Variants in PCDH15 observed in about 807,000 individuals in gnomAD.
PCDH15 encodes protocadherin related 15, also known as protocadherin-15.
Under a neutral mutation model 178.5 loss-of-function variants are expected in PCDH15, and 129 were observed. That is an observed-to-expected ratio of 0.72 (90% confidence interval 0.63 to 0.84). The LOEUF is 0.84. PCDH15 is among the 40% of genes least tolerant of loss of function. PCDH15 has a pLI of 0.00. For missense variants in PCDH15, 2,230 were observed against 2,099.9 expected, an observed-to-expected ratio of 1.06 and a Z score of -1.21; for synonymous variants, 800 against 732.0, an observed-to-expected ratio of 1.09 and a Z score of -1.50.
chr10:54,462,460 T>G (rs2077224706), intron 3 of PCDH15, among the ~76,000 whole-genome samples: 1 of 150,900 alleles, frequency 6.6e-6, no homozygotes, highest in South Asian at 2.1e-4. Context: ...AGCTCCTATT[T>G]GTTAATCCTT....
In PCDH15 at chr10:54,823,078, C is replaced by T. The variant is rs141961277; in HGVS notation, c.-29+74372G>A. ...TGAATTTTTACTAGAGACGGGGTTT[C>T]ACCATGTTGGCCAGGTTGGTCTCAA... On this transcript the variant is annotated intron_variant, in intron 3 of 5. Coordinates refer to the PCDH15 transcript ENST00000458638. Among the ~76,000 whole-genome samples the T allele has an allele frequency of 3.2e-3, 489 of 151,994 alleles. 1 individual carries two copies. The highest frequency in any genetic ancestry group is 0.011 in the African/African-American group (460 of 41,470).
chr10:54,953,180 A>C (rs1444091886), intron 2 of PCDH15, among the ~76,000 whole-genome samples: 1 of 151,260 alleles, frequency 6.6e-6, no homozygotes, highest in Admixed American at 6.6e-5. Context: ...TAAGTTGAAG[A>C]ATTCCTCTTT....
At chr10:54,714,222 C>A (rs1006765849) in intron 1 of PCDH15, among the ~76,000 whole-genome samples, 6 of 152,134 alleles carry the variant, frequency 3.9e-5, no homozygotes, top group African/African-American at 1.2e-4. Context: ...TGTCAGATAT[C>A]CTGTGAAGTG....
intron 2 of PCDH15, among the ~76,000 whole-genome samples, chr10:55,075,599 G>A (rs950099082): frequency 6.6e-6 from 1 of 151,902 alleles, no homozygotes; most frequent in Non-Finnish European, 1.5e-5. Flanking sequence ...TCCTGACCTC[G>A]TGATCTAGCC....
intron 3 of PCDH15, among the ~76,000 whole-genome samples, chr10:54,864,331 A>T (rs889470236): frequency 6.6e-6 from 1 of 152,094 alleles, no homozygotes; most frequent in African/African-American, 2.4e-5. Flanking sequence ...AAATTGGTTG[A>T]CCTCTTTTTT....
chr10:54,014,783 T>C (rs963046125), intron 20 of PCDH15, among the ~76,000 whole-genome samples: 1 of 152,076 alleles, frequency 6.6e-6, no homozygotes, highest in Admixed American at 6.6e-5. Flanking sequence ...AAGCCATCTA[T>C]GACAAATGCA....
Position 54,853,293 on chromosome 10 carries a change from A to G in PCDH15, c.-29+44157T>C, listed in dbSNP as rs867521919. Among the ~76,000 whole-genome samples, 593 of 94,412 alleles carry G rather than the reference A, an allele frequency of 6.3e-3. 4 individuals carry two copies. The highest frequency in any genetic ancestry group is 0.017 in the African/African-American group (350 of 20,774). 61.9% of individuals were successfully genotyped at this position (94,412 alleles called of 152,430 possible). ...TATATATGTGTATGTATGTGTGTAT[A>G]TATATATATATATATATATATATAT... On this transcript the variant is annotated intron_variant, in intron 3 of 5. Coordinates refer to the PCDH15 transcript ENST00000458638.
At chr10:54,246,875 T>C (rs968749590) in intron 8 of PCDH15, among the ~76,000 whole-genome samples, 6 of 151,954 alleles carry the variant, frequency 3.9e-5, no homozygotes, top group Non-Finnish European at 8.8e-5. Context: ...TATTATCTTA[T>C]AGTTGCTTTA....
chr10:55,385,785 ATAT>A (rs1837645256), intron 2 of PCDH15, among the ~76,000 whole-genome samples: 1 of 145,150 alleles, frequency 6.9e-6, no homozygotes, highest in African/African-American at 2.7e-5. Flanking sequence ...ATAGATATGC[ATAT>A]CTCTGTATAT....
At chr10:55,601,365 A>T (rs910900456) in intron 2 of PCDH15, among the ~76,000 whole-genome samples, 3 of 152,188 alleles carry the variant, frequency 2.0e-5, no homozygotes, top group Admixed American at 6.5e-5. Context: ...TGTGATAAAA[A>T]CGAGGTAATC....
intron 3 of PCDH15, among the ~76,000 whole-genome samples, chr10:54,496,824 T>C (rs2080161351): frequency 1.3e-5 from 2 of 152,148 alleles, no homozygotes; most frequent in African/African-American, 2.4e-5. Context: ...CAGTCACTTA[T>C]CCATTGCCCA....
intron 2 of PCDH15, among the ~76,000 whole-genome samples, chr10:54,622,555 A>T (rs2134456751): frequency 1.2e-5 from 1 of 80,412 alleles, no homozygotes; most frequent in Non-Finnish European, 2.5e-5. Flanking sequence ...GTCAAACATC[A>T]TTGTAACCTG....
chr10:54,470,621 A>G (rs2077845943), intron 3 of PCDH15, among the ~76,000 whole-genome samples: 1 of 152,056 alleles, frequency 6.6e-6, no homozygotes, highest in Non-Finnish European at 1.5e-5. Context: ...ATATGGGTTG[A>G]AGGACTCTAC....
intron 8 of PCDH15, among the ~76,000 whole-genome samples, chr10:54,315,721 G>C (rs201111585): frequency 8.7e-4 from 17 of 19,610 alleles, no homozygotes; most frequent in East Asian, 5.4e-3. Flanking sequence ...TATAAGGAGG[G>C]GGGGGTCCAG....
chr10:55,020,238 G>A (rs1840289159), intron 2 of PCDH15, among the ~76,000 whole-genome samples: 1 of 151,504 alleles, frequency 6.6e-6, no homozygotes, highest in Non-Finnish European at 1.5e-5. Flanking sequence ...AATACTCCAT[G>A]CAAATAATTT....
chr10:55,271,434 A>G (rs1308399529), intron 1 of PCDH15, among the ~76,000 whole-genome samples: 1 of 152,150 alleles, frequency 6.6e-6, no homozygotes, highest in Non-Finnish European at 1.5e-5. Context: ...CTCTAATCAG[A>G]TATGTTCTTA....
intron 1 of PCDH15, among the ~76,000 whole-genome samples, chr10:55,284,779 C>T (rs1366507243): frequency 6.6e-6 from 1 of 151,902 alleles, no homozygotes; most frequent in Non-Finnish European, 1.5e-5. Context: ...GGAAGTCAGA[C>T]ATATATTTAT....
At chr10:54,376,734 C>T (rs1948498381) in intron 4 of PCDH15, among the ~76,000 whole-genome samples, 1 of 151,738 alleles carries the variant, frequency 6.6e-6, no homozygotes, top group South Asian at 2.1e-4. Flanking sequence ...TCAGACATTA[C>T]AATTATTTAG....
intron 2 of PCDH15, among the ~76,000 whole-genome samples, chr10:55,070,885 G>A (rs1025025647): frequency 5.3e-5 from 8 of 152,010 alleles, no homozygotes; most frequent in Non-Finnish European, 1.0e-4. Flanking sequence ...CCATTTTCAC[G>A]ATATTGATTC....
Sources: gnomAD v4.1 joint callset for allele counts (sites outside exome capture counted in the v4.1 genomes callset) on GRCh38, gnomAD v4.1.1 for gene constraint, MANE v1.5 for transcripts, NCBI Gene and HGNC (gene_info 2026-07-23, HGNC 2026-07-21) for gene names.